Variants in MED12L observed in about 807,000 individuals in gnomAD.
MED12L encodes the protein mediator of RNA polymerase II transcription subunit 12-like protein.
In MED12L, 60 loss-of-function variants were observed where a neutral mutation model predicts 281.3. That is an observed-to-expected ratio of 0.21 (90% CI 0.17 to 0.26). The LOEUF is 0.26. Ranked by LOEUF, MED12L falls within the 10% of genes least tolerant of loss-of-function variation. The pLI is 1.00. For synonymous variants in MED12L, 974 were observed against 987.2 expected (o/e 0.99, Z 0.25); for missense variants, 2,146 against 2,680.9 (o/e 0.80, Z 4.41).
chr3:151,118,763 C>T (rs150822151), intron 3 of MED12L, among the ~76,000 whole-genome samples: 530 of 151,742 alleles, frequency 3.5e-3, no homozygotes, highest in Non-Finnish European at 4.9e-3. Context: ...GTGCAATCTT[C>T]GCTCACTGCA....
At position 151,234,798 on chromosome 3, in the gene MED12L, T is replaced by C. The variant is rs796520205; in HGVS notation, c.2250+41132T>C. ...TGGCATAAGTGATGCCCATATAATG[T>C]GGACTATCATTAACCCTGCTGTCAA... On this transcript the variant is annotated intron_variant, in intron 16 of 44. Transcript: ENST00000687756. Among the ~76,000 whole-genome samples, 49 of 152,310 alleles carry C rather than the reference T, an allele frequency of 3.2e-4. 1 individual carries two copies. The highest frequency in any genetic ancestry group is 1.1e-3 in the African/African-American group (44 of 41,578).
At chr3:151,254,933 C>G (rs1002851653) in intron 16 of MED12L, among the ~76,000 whole-genome samples, 1 of 152,222 alleles carries the variant, frequency 6.6e-6, no homozygotes, top group Non-Finnish European at 1.5e-5. Flanking sequence ...GACTTGTCTG[C>G]TACCAAAAGT....
chr3:151,271,410 G>A (rs1172912403), intron 16 of MED12L, among the ~76,000 whole-genome samples: 1 of 152,182 alleles, frequency 6.6e-6, no homozygotes, highest in African/African-American at 2.4e-5. Flanking sequence ...TTTGGTTATA[G>A]TGTAAAATAG....
chr3:151,122,679 G>T, intron 3 of MED12L, 104 bp from the exon 4 acceptor site: 1 of 774,482 alleles, frequency 1.3e-6, no homozygotes, highest in Non-Finnish European at 1.9e-6. Context: ...CTGATGGGAT[G>T]TATGAAGATT....
intron 16 of MED12L, among the ~76,000 whole-genome samples, chr3:151,263,757 C>T (rs941488646): frequency 5.6e-5 from 6 of 107,016 alleles, no homozygotes; most frequent in South Asian, 5.7e-4. Context: ...CCTGGATTCC[C>T]GTACCACCCC....
intron 16 of MED12L, among the ~76,000 whole-genome samples, chr3:151,279,551 C>T (rs1742475206): frequency 6.6e-6 from 1 of 152,196 alleles, no homozygotes; most frequent in Non-Finnish European, 1.5e-5. Context: ...GCCATTTCTC[C>T]CTGCCAGAGG....
chr3:151,122,697 G>A (rs1713937082), intron 3 of MED12L, 86 bp from the exon 4 acceptor site: 1 of 950,258 alleles, frequency 1.1e-6, no homozygotes, highest in South Asian at 2.7e-5. Flanking sequence ...ATTTTCAATT[G>A]AAACAATAAA....
intron 16 of MED12L, among the ~76,000 whole-genome samples, chr3:151,242,283 A>T (rs1734313905): frequency 6.6e-6 from 1 of 152,240 alleles, no homozygotes. Context: ...CAGCTCAAGG[A>T]GGCCTGCCTG....
chr3:151,097,436 C>T (rs1248991842), intron 2 of MED12L, among the ~76,000 whole-genome samples: 1 of 152,198 alleles, frequency 6.6e-6, no homozygotes, highest in African/African-American at 2.4e-5. Flanking sequence ...CCAGCTGTGG[C>T]ACTATGAGGA....
At chr3:151,175,475 AT>A (rs1047473779) in intron 11 of MED12L, among the ~76,000 whole-genome samples, 21 of 152,192 alleles carry the variant, frequency 1.4e-4, no homozygotes, top group East Asian at 3.9e-4. Flanking sequence ...TAAGTCATTG[AT>A]TTTTTTCCCC....
chr3:151,173,038 A>G (rs1191418019), intron 11 of MED12L, among the ~76,000 whole-genome samples: 1 of 150,626 alleles, frequency 6.6e-6, no homozygotes, highest in Non-Finnish European at 1.5e-5. Flanking sequence ...TTTAGATTGG[A>G]GTGGGCCTCT....
chr3:151,212,495 A>G (rs1236012674), intron 16 of MED12L: 1 of 152,074 alleles, frequency 6.6e-6, no homozygotes, highest in Non-Finnish European at 1.5e-5. Flanking sequence ...TTTCCCAGTC[A>G]TCTTATTTTT....
chr3:151,123,057 C>A, intron 4 of MED12L, 83 bp downstream of exon 4: 1 of 1,226,378 alleles, frequency 8.2e-7, no homozygotes, highest in South Asian at 1.6e-5. Context: ...ATTTGTTTTT[C>A]CCAATTCTTT....
rs76965310 is a variant in MED12L, at chr3:151,141,187, G to GT, written c.556+13216dup. Among the ~76,000 whole-genome samples the GT allele has an allele frequency of 4.4e-3, 433 of 99,036 alleles. 4 individuals are homozygous for GT. Among genetic ancestry groups the GT allele is most frequent in the Middle Eastern group, 0.011 (2 of 174 alleles). The allele number at this position is 99,036 out of a possible 152,430, so 65.0% of individuals were successfully genotyped here. ...TGGCGTTTTTTTTTTTGTTTTTTTT[G>GT]TTTTTTTTTTTTTGTTAGTAGAGAC... is the stretch of plus-strand genomic sequence containing the variant. On this transcript the variant is annotated intron_variant, in intron 5 of 44. Coordinates refer to ENST00000687756, the MANE Select transcript of MED12L (RefSeq NM_001393769.1).
At chr3:151,141,632 T>C (rs1374860313) in intron 5 of MED12L, among the ~76,000 whole-genome samples, 1 of 152,222 alleles carries the variant, frequency 6.6e-6, no homozygotes, top group Non-Finnish European at 1.5e-5. Flanking sequence ...AGCTATGCCT[T>C]AAAGAAATCT....
intron 30 of MED12L, 47 bp downstream of exon 30, chr3:151,377,225 G>C: frequency 6.6e-7 from 1 of 1,514,886 alleles, no homozygotes; most frequent in Non-Finnish European, 9.0e-7. Context: ...TTTTTCACAA[G>C]TAACGGTAAA....
At chr3:151,355,655 A>G (rs1307733355) in intron 18 of MED12L, among the ~76,000 whole-genome samples, 2 of 152,206 alleles carry the variant, frequency 1.3e-5, no homozygotes, top group African/African-American at 2.4e-5. Flanking sequence ...TAGTTGTTCT[A>G]CCATTAGAAT....
intron 16 of MED12L, chr3:151,336,809 T>C: frequency 4.4e-6 from 1 of 225,850 alleles, no homozygotes; most frequent in Non-Finnish European, 9.0e-6. Flanking sequence ...AGTCATGGTA[T>C]CTAATATCTT....
intron 43 of MED12L, among the ~76,000 whole-genome samples, chr3:151,418,175 C>T (rs1289648067): frequency 6.6e-6 from 1 of 152,166 alleles, no homozygotes; most frequent in African/African-American, 2.4e-5. Flanking sequence ...CTTTCACTCC[C>T]CCCACCTACT....
Sources: allele counts gnomAD v4.1 joint callset (sites outside exome capture counted in the v4.1 genomes callset), GRCh38; gene constraint gnomAD v4.1.1; transcripts MANE v1.5; gene names NCBI Gene and HGNC (gene_info 2026-07-23, HGNC 2026-07-21).